The following DHRS4 variants were observed in gnomAD, a reference collection of about 807,000 sequenced individuals.
DHRS4 encodes dehydrogenase/reductase SDR family member 4.
Under a neutral mutation model 28.4 loss-of-function variants are expected in DHRS4, and 20 were observed. The observed-to-expected ratio is 0.71, with a 90% CI of 0.50 to 1.02. The LOEUF (loss-of-function observed/expected upper bound fraction) is 1.02. Among genes scored for constraint, DHRS4 ranks in the 50% least tolerant of loss-of-function variants. The pLI, the probability that DHRS4 is intolerant of heterozygous loss-of-function variation, is 0.00. For synonymous variants in DHRS4, 144 were observed against 146.4 expected, an observed-to-expected ratio of 0.98 and a Z score of 0.12; for missense variants, 378 against 367.2, an observed-to-expected ratio of 1.03 and a Z score of -0.24.
At position 23,959,994 on chromosome 14, in the gene DHRS4, G is replaced by A. The variant is rs1490669068; in HGVS notation, c.399G>A (p.Val133=). Residue 133 remains valine (V), a synonymous_variant, in exon 3 of 8, where the codon GTG becomes GTA. Coordinates refer to ENST00000313250, the MANE Select transcript of DHRS4 (RefSeq NM_021004.4). The stretch of plus-strand genomic sequence containing the variant: ...GCATAATGGATGTCACTGAGGAGGT[G>A]TGGGACAAGGTGAGAGGGGATTAAA... ...FGSIMDVTEE[V]WDKTLDINVK... 6.2e-7 allele frequency: 1 copy of A among 1,610,106 alleles called. No individual in the cohort carries two copies. Among genetic ancestry groups the A allele is most frequent in the Non-Finnish European group, 8.5e-7 (1 of 1,179,646 alleles).
At chr14:23,954,946 A>C (rs180985433) in intron 1 of DHRS4, 89 bp from the exon 2 acceptor site, 1 of 1,571,972 alleles carries the variant, frequency 6.4e-7, no homozygotes, top group African/African-American at 1.4e-5. Flanking sequence ...GCCAGAATTC[A>C]AACCCGGGCA....
chr14:23,968,320 G>T (rs2033708773), intron 7 of DHRS4, among the ~76,000 whole-genome samples: 1 of 150,656 alleles, frequency 6.6e-6, no homozygotes, highest in Non-Finnish European at 1.5e-5. Flanking sequence ...TAAGGCACAA[G>T]TATAGATTCC....
At chr14:23,958,513 TACTTATA>T (rs2033267551) in intron 2 of DHRS4, among the ~76,000 whole-genome samples, 1 of 152,190 alleles carries the variant, frequency 6.6e-6, no homozygotes, top group African/African-American at 2.4e-5. Context: ...CCTCACTATC[TACTTATA>T]ACTTATTAAG....
chr14:23,954,184 G>A, intron 1 of DHRS4: 1 of 401,704 alleles, frequency 2.5e-6, no homozygotes, highest in Non-Finnish European at 4.4e-6. Flanking sequence ...CCAGTGTTCT[G>A]GGCTGCCCCA....
chr14:23,960,048 ACACATTCAG>A (rs911867043), intron 3 of DHRS4, 45 bp downstream of exon 3: 1 of 1,565,620 alleles, frequency 6.4e-7, no homozygotes, highest in Non-Finnish European at 8.8e-7. Context: ...GCGCCTTGGA[ACACATTCAG>A]CACAAACTCC....
chr14:23,954,204 C>A (rs561588275), intron 1 of DHRS4: 69 of 331,712 alleles, frequency 2.1e-4, no homozygotes, highest in African/African-American at 1.4e-3. Context: ...AGTCAACCAG[C>A]GCCACCTAGC....
At chr14:23,959,505 C>G (rs750959853) in intron 2 of DHRS4, among the ~76,000 whole-genome samples, 5 of 152,076 alleles carry the variant, frequency 3.3e-5, no homozygotes, top group African/African-American at 7.3e-5. Context: ...CTGCAGTGAG[C>G]TGAGAACATG....
chr14:23,955,354 C>A, intron 2 of DHRS4, 142 bp downstream of exon 2: 1 of 1,363,448 alleles, frequency 7.3e-7, no homozygotes, highest in Non-Finnish European at 9.8e-7. Flanking sequence ...AGAGAATCAT[C>A]CCATCTCAGT....
chr14:23,954,001 TC>T, intron 1 of DHRS4, 85 bp downstream of exon 1: 1 of 1,523,166 alleles, frequency 6.6e-7, no homozygotes, highest in Admixed American at 2.0e-5. Context: ...GGTGCCCCTG[TC>T]CTCAGACCTT....
At position 23,963,593 on chromosome 14, in the gene DHRS4, T is replaced by C. The variant is rs946434929; in HGVS notation, c.409-2169T>C. Among the ~76,000 whole-genome samples, 38 of 148,868 alleles carry C rather than the reference T, an allele frequency of 2.6e-4. 4 individuals carry two copies. The highest frequency in any genetic ancestry group is 9.6e-4 in the African/African-American group (38 of 39,464). ...TAGGCTTTGGCTTAAGGGAATGTTG[T>C]GGCTAGTTTGATCTTCTGTCCAGAA... On this transcript the variant is annotated intron_variant, in intron 3 of 7. Coordinates refer to ENST00000313250, the MANE Select transcript of DHRS4 (RefSeq NM_021004.4).
intron 2 of DHRS4, among the ~76,000 whole-genome samples, chr14:23,958,686 C>T (rs934267293): frequency 6.6e-6 from 1 of 152,198 alleles, no homozygotes; most frequent in African/African-American, 2.4e-5. Context: ...GGTATCTTCT[C>T]CCATCACGGC....
rs762589480 is a variant in DHRS4, at chr14:23,966,394, A to G, written c.643A>G (p.Ile215Val). 5 of 1,613,960 alleles carry G rather than the reference A, an allele frequency of 3.1e-6. No individual in the cohort carries two copies. In the Admixed American group the frequency reaches 6.7e-5, roughly 22 times the overall value. The change falls in exon 6 of 8, where the codon ATC becomes GTC. Residue 215 changes from isoleucine to valine, a missense_variant. Ile to Val is a conservative substitution (Grantham distance 29, BLOSUM62 3). Transcript: ENST00000313250. ...GGTGAACTGCCTAGCACCTGGACTT[A>G]TCAAGACTAGCTTCAGCAGGATGGT... ...IRVNCLAPGL[I>V]KTSFSRMLWM...
At chr14:23,960,615 A>T (rs1009482255) in intron 3 of DHRS4, among the ~76,000 whole-genome samples, 17 of 150,992 alleles carry the variant, frequency 1.1e-4, no homozygotes. Flanking sequence ...ATTACATTAT[A>T]TTCGTAATAT....
At chr14:23,961,534 T>TC (rs1234461795) in intron 3 of DHRS4, among the ~76,000 whole-genome samples, 1 of 128,336 alleles carries the variant, frequency 7.8e-6, no homozygotes, top group Non-Finnish European at 1.6e-5. Flanking sequence ...TTTTCCTTTT[T>TC]TTTTTTTTTT....
chr14:23,955,069 G>T lies in DHRS4; in HGVS notation c.163G>T (p.Asp55Tyr). The change falls in exon 2 of 8, where the codon GAC becomes TAC. Residue 55 changes from aspartate to tyrosine, a missense_variant. Transcript: ENST00000313250. ...CGCCATCGCCCGGCGTTTGGCCCAG[G>T]ACGGGGCCCATGTGGTCGTCAGCAG... is the stretch of plus-strand genomic sequence containing the variant. ...GFAIARRLAQ[D>Y]GAHVVVSSRK... The T allele has an allele frequency of 1.9e-6, 3 of 1,614,202 alleles. No homozygotes were observed. The Admixed American group carries it at 5.0e-5, about 27-fold the overall frequency.
chr14:23,967,282 G>A lies in DHRS4; in HGVS notation c.722+16G>A. The A allele has an allele frequency of 6.2e-7, 1 of 1,609,764 alleles. No homozygotes were observed. The highest frequency in any genetic ancestry group is 1.7e-5 in the Admixed American group (1 of 59,636). On this transcript the variant is annotated intron_variant, in intron 7 of 7. Coordinates refer to ENST00000313250, the MANE Select transcript of DHRS4 (RefSeq NM_021004.4). ...GGATAAGAAGGTAAACTGTCATGAG[G>A]GCAAGGGCACTAAGAGACATGAAGA...
At chr14:23,959,196 C>T (rs796780050) in intron 2 of DHRS4, among the ~76,000 whole-genome samples, 6 of 152,106 alleles carry the variant, frequency 3.9e-5, no homozygotes, top group African/African-American at 1.2e-4. Context: ...AAGGAGCTTC[C>T]CAAAGGGGAA....
At chr14:23,963,967 A>G (rs1453390753) in intron 3 of DHRS4, among the ~76,000 whole-genome samples, 12 of 151,532 alleles carry the variant, frequency 7.9e-5, no homozygotes, top group Middle Eastern at 3.4e-3. Flanking sequence ...AGAGAAGGGC[A>G]GAGCAGTCAG....
rs781454400 is a variant in DHRS4, at chr14:23,953,824, G to A, written c.36G>A (p.Arg12=). Reference sequence around the variant, plus strand: ...CGGGGCTGCTAGGCCTCTGTGCCCGGGCTTGGAATTCGGTGCGGATGGCCA... The same window carrying A: ...CGGGGCTGCTAGGCCTCTGTGCCCGAGCTTGGAATTCGGTGCGGATGGCCA... ...HKAGLLGLCA[R]AWNSVRMASS... The change falls in exon 1 of 8, where the codon CGG becomes CGA. Residue 12 remains arginine (R), a synonymous_variant. Transcript: ENST00000313250. The A allele has an allele frequency of 2.5e-6, 4 of 1,614,146 alleles. No homozygotes were observed. The South Asian group carries it at 4.4e-5, about 18-fold the overall frequency.
Sources: gnomAD v4.1 joint callset for allele counts (sites outside exome capture counted in the v4.1 genomes callset) on GRCh38, gnomAD v4.1.1 for gene constraint, MANE v1.5 for transcripts, NCBI Gene and HGNC (gene_info 2026-07-23, HGNC 2026-07-21) for gene names.